Variants in PRPF3 observed in about 807,000 individuals in gnomAD.
PRPF3 encodes the protein U4/U6 small nuclear ribonucleoprotein Prp3.
PRPF3 carries 3 observed loss-of-function variants against 89.2 expected under a neutral mutation model. That is an observed-to-expected ratio of 0.03 (90% CI 0.02 to 0.09). PRPF3 has a LOEUF of 0.09. Among genes scored for constraint, PRPF3 ranks in the 10% least tolerant of loss-of-function variants. The pLI, the probability that PRPF3 is intolerant of heterozygous loss-of-function variation, is 1.00. For missense variants in PRPF3, 463 were observed against 828.8 expected, an observed-to-expected ratio of 0.56 and a Z score of 5.42; for synonymous variants, 270 against 289.1, an observed-to-expected ratio of 0.93 and a Z score of 0.67.
At chr1:150,348,246 A>C (rs1658494522) in intron 14 of PRPF3, among the ~76,000 whole-genome samples, 2 of 151,314 alleles carry the variant, frequency 1.3e-5, no homozygotes, top group Admixed American at 1.3e-4. Context: ...TGGGCGTGGC[A>C]GCGTGCGCCT....
intron 9 of PRPF3, among the ~76,000 whole-genome samples, chr1:150,340,776 T>A (rs1657608757): frequency 6.6e-6 from 1 of 151,914 alleles, no homozygotes; most frequent in Non-Finnish European, 1.5e-5. Context: ...GGCCAAGAAT[T>A]CAAGACCAGT....
At chr1:150,326,160 C>T (rs1321170764) in intron 3 of PRPF3, among the ~76,000 whole-genome samples, 3 of 151,766 alleles carry the variant, frequency 2.0e-5, no homozygotes, top group Non-Finnish European at 4.4e-5. Flanking sequence ...TCCTTTTTTT[C>T]CTTCTTACTG....
At chr1:150,341,620 G>T (rs188703802) in intron 9 of PRPF3, among the ~76,000 whole-genome samples, 1 of 151,822 alleles carries the variant, frequency 6.6e-6, no homozygotes, top group East Asian at 1.9e-4. Flanking sequence ...TGGTCAGGCT[G>T]GTCTTGAACT....
chr1:150,325,782 T>C lies in PRPF3; in HGVS notation c.177T>C (p.Thr59=). Residue 59 remains threonine (T), a synonymous_variant, in exon 3 of 16, where the codon ACT becomes ACC. Coordinates refer to ENST00000324862, the MANE Select transcript of PRPF3 (RefSeq NM_004698.4). ...TGAAACCTTTTCTTGATGATTCTAC[T>C]CTCCGATTTGTGGACAAACTGTTTG... is the stretch of plus-strand genomic sequence containing the variant. ...DHLKPFLDDS[T]LRFVDKLFEA... The C allele has an allele frequency of 1.9e-6, 3 of 1,613,604 alleles. No homozygotes were observed. The highest frequency in any genetic ancestry group is 2.5e-6 in the Non-Finnish European group (3 of 1,179,650).
chr1:150,339,749 T>G (rs28506814), intron 8 of PRPF3, among the ~76,000 whole-genome samples: 6,766 of 94,250 alleles, frequency 0.072, 428 homozygotes, highest in African/African-American at 0.16. Context: ...TTTTTTTTTT[T>G]TTTTTTTTTT....
Position 150,333,145 on chromosome 1 carries a change from G to T in PRPF3, c.674G>T (p.Gly225Val). 6.2e-7 allele frequency: 1 copy of T among 1,614,200 alleles called. No individual in the cohort carries two copies. Among genetic ancestry groups the T allele is most frequent in the Non-Finnish European group, 8.5e-7 (1 of 1,180,038 alleles). Reference sequence around the variant, plus strand: ...CTGGCACTGAAGCCAGGACTCATCGGCAATGCCAACATGGTGGGCCTGGCT... The same window carrying T: ...CTGGCACTGAAGCCAGGACTCATCGTCAATGCCAACATGGTGGGCCTGGCT... Reference protein sequence around the residue: ...AQLALKPGLIGNANMVGLANL... With the variant: ...AQLALKPGLIVNANMVGLANL... Residue 225 changes from glycine to valine, a missense_variant, in exon 6 of 16, where the codon GGC becomes GTC. By Grantham distance (109) the Gly-to-Val change is moderately radical. This residue lies in a region of PRPF3 where 261 missense variants were observed against 475.8 expected (regional missense o/e 0.55). Transcript: ENST00000324862.
At chr1:150,329,634 A>G (rs1656106335) in intron 4 of PRPF3, 1 of 152,162 alleles carries the variant, frequency 6.6e-6, no homozygotes, top group African/African-American at 2.4e-5. Context: ...TTCAATTGGC[A>G]TTGTTAAATA....
intron 15 of PRPF3, 109 bp from the exon 16 acceptor site, chr1:150,352,724 C>T (rs781907205): frequency 7.1e-5 from 87 of 1,223,578 alleles, no homozygotes; most frequent in South Asian, 1.3e-4. Flanking sequence ...CATAAAATCA[C>T]GTTCAGCTGG....
intron 3 of PRPF3, 119 bp from the exon 4 acceptor site, chr1:150,328,201 G>A: frequency 8.1e-7 from 1 of 1,230,436 alleles, no homozygotes; most frequent in South Asian, 1.3e-5. Context: ...GTGGCTATTT[G>A]CAAGGTTGTG....
chr1:150,351,135 A>G (rs1163325132), intron 15 of PRPF3, among the ~76,000 whole-genome samples: 1 of 151,768 alleles, frequency 6.6e-6, no homozygotes, highest in Non-Finnish European at 1.5e-5. Context: ...CGTGGTGGCC[A>G]GTGCCTATAA....
chr1:150,341,760 T>C (rs587623008), intron 9 of PRPF3, among the ~76,000 whole-genome samples: 1 of 147,054 alleles, frequency 6.8e-6, no homozygotes, highest in Admixed American at 7.0e-5. Flanking sequence ...TGGAGTGCAA[T>C]GGCACTATCT....
chr1:150,340,389 C>T lies in PRPF3; in HGVS notation c.1203-9C>T. 1 of 1,571,376 alleles carries T rather than the reference C, an allele frequency of 6.4e-7. No individual in the cohort carries two copies. Among genetic ancestry groups the T allele is most frequent in the Non-Finnish European group, 8.8e-7 (1 of 1,141,428 alleles). ...CATATCGTGTTTTCTTTTCTTCCTA[C>T]AATTTTAGTACAGAGGAAAATCCCA... On this transcript the variant is annotated splice_polypyrimidine_tract_variant and intron_variant, in intron 8 of 15. Coordinates refer to ENST00000324862, the MANE Select transcript of PRPF3 (RefSeq NM_004698.4).
intron 3 of PRPF3, among the ~76,000 whole-genome samples, chr1:150,327,265 A>T (rs1333747964): frequency 6.6e-6 from 1 of 151,938 alleles, no homozygotes; most frequent in Non-Finnish European, 1.5e-5. Flanking sequence ...ACGGGGTTTC[A>T]TCATGTTGAT....
In PRPF3 at chr1:150,321,557, C is replaced by G. The variant is rs1191159542; in HGVS notation, c.-84C>G. On this transcript the variant is annotated 5_prime_UTR_variant, in exon 1 of 16. Coordinates refer to ENST00000324862, the MANE Select transcript of PRPF3 (RefSeq NM_004698.4). ...CAGAAGGTTTCCGGTTCCGGTGTAA[C>G]GTTCGGGCTCCGTCTCAGGGGCTGA... The G allele has an allele frequency of 6.5e-6, 1 of 152,696 alleles. No homozygotes were observed. Among genetic ancestry groups the G allele is most frequent in the Non-Finnish European group, 1.5e-5 (1 of 68,156 alleles). 9.5% of individuals were successfully genotyped at this position (152,696 alleles called of 1,614,324 possible).
Position 150,338,345 on chromosome 1 carries a change from C to G in PRPF3, c.1202+19C>G. On this transcript the variant is annotated intron_variant, in intron 8 of 15. Transcript: ENST00000324862. ...TTGATCTGTGAGTTTGTTTTAGTAC[C>G]TTTTTAAAAAAACAGTTTTTAATCA... is the stretch of plus-strand genomic sequence containing the variant. The G allele has an allele frequency of 1.9e-6, 3 of 1,611,512 alleles. No individual in the cohort carries two copies. Among genetic ancestry groups the G allele is most frequent in the Non-Finnish European group, 2.5e-6 (3 of 1,178,018 alleles).
chr1:150,346,380 T>C (rs1658273701), intron 13 of PRPF3, 28 bp from the exon 14 acceptor site: 1 of 1,598,968 alleles, frequency 6.3e-7, no homozygotes, highest in East Asian at 2.2e-5. Context: ...TCCACAGTTC[T>C]GGCAAAATTA....
At chr1:150,338,919 A>G (rs1560105433) in intron 8 of PRPF3, among the ~76,000 whole-genome samples, 1 of 152,150 alleles carries the variant, frequency 6.6e-6, no homozygotes, top group Non-Finnish European at 1.5e-5. Flanking sequence ...CAAAGTCTAG[A>G]ATTCTTTTTG....
chr1:150,338,066 C>G (rs1553868711), intron 7 of PRPF3, 94 bp from the exon 8 acceptor site: 1 of 1,323,504 alleles, frequency 7.6e-7, no homozygotes, highest in African/African-American at 1.6e-5. Context: ...AAGAACGAAA[C>G]TCCGTCTCAA....
rs781897722 is a variant in PRPF3, at chr1:150,333,176, C to T, written c.705C>T (p.Leu235=). 29 of 1,614,218 alleles carry T rather than the reference C, an allele frequency of 1.8e-5. No homozygotes were observed. The South Asian group carries it at 2.9e-4, about 16-fold the overall frequency. The change falls in exon 6 of 16, where the codon CTC becomes CTT. Residue 235 remains leucine, a synonymous_variant. Transcript: ENST00000324862. ...CCAACATGGTGGGCCTGGCTAATCT[C>T]CATGCCATGGGCATTGCTCCCCCGT... The part of the protein sequence containing the change: ...GNANMVGLAN[L]HAMGIAPPKV...
Sources: allele counts gnomAD v4.1 joint callset (sites outside exome capture counted in the v4.1 genomes callset), GRCh38; gene constraint gnomAD v4.1.1; regional missense constraint gnomAD v4.1.1; transcripts MANE v1.5; gene names NCBI Gene and HGNC (gene_info 2026-07-23, HGNC 2026-07-21).